The following OR2L13 variants were observed in gnomAD, a reference collection of about 807,000 sequenced individuals.
OR2L13 encodes the protein olfactory receptor 2L13.
In OR2L13, 14 loss-of-function variants were observed where a neutral mutation model predicts 15.3. That is an observed-to-expected ratio of 0.91 (90% CI 0.60 to 1.43). OR2L13 has a LOEUF of 1.43. Among genes scored for constraint, OR2L13 ranks in the 40% most tolerant of loss-of-function variants. The probability of loss-of-function intolerance (pLI) is 0.00; values close to 1 mark genes in which losing one functional copy is unlikely to be tolerated. For synonymous variants in OR2L13, 152 were observed against 142.9 expected (o/e 1.06, Z -0.45); for missense variants, 367 against 387.9 (o/e 0.95, Z 0.45).
At chr1:247,980,255 G>T in the OR2L13 span, among the ~76,000 whole-genome samples, 7 of 151,794 alleles carry the variant, frequency 4.6e-5, no homozygotes, top group Non-Finnish European at 8.8e-5. Context: ...AAAATTTAAT[G>T]GGCATTTCCA....
the OR2L13 span, chr1:247,948,869 C>G: frequency 1.2e-6 from 2 of 1,604,050 alleles, no homozygotes; most frequent in Admixed American, 3.4e-5. Flanking sequence ...TGGAAAATTA[C>G]AATCAAACAT....
chr1:247,949,273 T>C, the OR2L13 span: 2 of 1,614,098 alleles, frequency 1.2e-6, no homozygotes, highest in Non-Finnish European at 8.5e-7. Flanking sequence ...AGCAAAAGAG[T>C]GTGTGTGCTG....
chr1:247,940,731 C>CGTGTGTGTGCGTGTGT, the OR2L13 span, among the ~76,000 whole-genome samples: 1 of 147,076 alleles, frequency 6.8e-6, no homozygotes, highest in African/African-American at 2.5e-5. Flanking sequence ...TGCATACGTG[C>CGTGTGTGTGCGTGTGT]GTGTGTGTGT....
At chr1:248,019,223 C>G in the OR2L13 span, among the ~76,000 whole-genome samples, 1,771 of 152,088 alleles carry the variant, frequency 0.012, 15 homozygotes, top group Non-Finnish European at 0.019. Flanking sequence ...TCCAGAAATA[C>G]AATATTTTGA....
chr1:248,022,902 T>TA, the OR2L13 span: 19 of 1,586,234 alleles, frequency 1.2e-5, no homozygotes, highest in Non-Finnish European at 1.6e-5. Flanking sequence ...CGTTCTGTGT[T>TA]AGAGTCAAAG....
chr1:247,955,867 C>T, the OR2L13 span, among the ~76,000 whole-genome samples: 1 of 151,916 alleles, frequency 6.6e-6, no homozygotes, highest in East Asian at 1.9e-4. Context: ...GAGTAGATTG[C>T]AAAAATTTTC....
the OR2L13 span, among the ~76,000 whole-genome samples, chr1:247,969,211 ATTTG>A: frequency 6.6e-6 from 1 of 151,828 alleles, no homozygotes; most frequent in Non-Finnish European, 1.5e-5. Context: ...TTTCTTGTAA[ATTTG>A]TTTAAGTTCT....
chr1:248,070,098 T>C, the OR2L13 span, among the ~76,000 whole-genome samples: 1 of 152,128 alleles, frequency 6.6e-6, no homozygotes, highest in African/African-American at 2.4e-5. Context: ...TACCCAGGAA[T>C]CGAACTCAGC....
At chr1:247,975,647 C>A in the OR2L13 span, 1 of 1,171,504 alleles carries the variant, frequency 8.5e-7, no homozygotes. Flanking sequence ...AGAATCTTCC[C>A]TGTGAAGATG....
chr1:248,013,224 G>T, the OR2L13 span, among the ~76,000 whole-genome samples: 1 of 152,016 alleles, frequency 6.6e-6, no homozygotes, highest in Non-Finnish European at 1.5e-5. Flanking sequence ...AATTGGGAAA[G>T]AAATTAATAT....
chr1:247,946,420 G>T, the OR2L13 span, among the ~76,000 whole-genome samples: 1 of 152,150 alleles, frequency 6.6e-6, no homozygotes, highest in African/African-American at 2.4e-5. Context: ...ACTAAAAGCT[G>T]CCAGTCCTTC....
the OR2L13 span, chr1:247,965,294 T>C: frequency 7.0e-7 from 1 of 1,428,168 alleles, no homozygotes; most frequent in Non-Finnish European, 9.4e-7. Context: ...GAATGCCATG[T>C]CATTTTACTT....
At chr1:248,026,336 A>C in the OR2L13 span, among the ~76,000 whole-genome samples, 2 of 152,198 alleles carry the variant, frequency 1.3e-5, no homozygotes, top group African/African-American at 4.8e-5. Context: ...AGACAGCAAG[A>C]CCAACCTCTC....
At chr1:248,062,837 A>G in the OR2L13 span, 1 of 152,218 alleles carries the variant, frequency 6.6e-6, no homozygotes, top group Non-Finnish European at 1.5e-5. Context: ...TCAAAGCATC[A>G]CATACACTCC....
chr1:248,043,366 G>C, the OR2L13 span, among the ~76,000 whole-genome samples: 1 of 152,160 alleles, frequency 6.6e-6, no homozygotes, highest in African/African-American at 2.4e-5. Flanking sequence ...ATATGTTGAG[G>C]CAACAGTCCC....
the OR2L13 span, among the ~76,000 whole-genome samples, chr1:248,065,244 C>G: frequency 6.6e-6 from 1 of 152,078 alleles, no homozygotes; most frequent in African/African-American, 2.4e-5. Flanking sequence ...TTCTTTAATT[C>G]TTTCATGTCC....
the OR2L13 span, among the ~76,000 whole-genome samples, chr1:247,951,830 C>T: frequency 1.3e-5 from 2 of 152,208 alleles, no homozygotes; most frequent in Admixed American, 1.3e-4. Context: ...GCAAGCACCT[C>T]CTCTCTTCCA....
upstream of OR2L13, among the ~76,000 whole-genome samples, chr1:248,090,885 T>G (rs971655628): frequency 1.3e-5 from 2 of 152,332 alleles, no homozygotes; most frequent in South Asian, 2.1e-4. Context: ...ATAGTTGAAC[T>G]AATTTACATT....
the OR2L13 span, among the ~76,000 whole-genome samples, chr1:248,025,943 C>T: frequency 5.9e-5 from 8 of 136,164 alleles, no homozygotes; most frequent in Admixed American, 5.8e-4. Flanking sequence ...ACTCTGGGGA[C>T]TGTTGTGAGG....
Sources: gnomAD v4.1 joint callset for allele counts (sites outside exome capture counted in the v4.1 genomes callset) on GRCh38, gnomAD v4.1.1 for gene constraint, MANE v1.5 for transcripts, NCBI Gene and HGNC (gene_info 2026-07-23, HGNC 2026-07-21) for gene names.